The following COPB1 variants were observed in gnomAD, a reference collection of about 807,000 sequenced individuals.
COPB1 encodes the protein coatomer subunit beta.
In COPB1, 21 loss-of-function variants were observed where a neutral mutation model predicts 108.7. That is an observed-to-expected ratio of 0.19 (90% CI 0.14 to 0.28). The LOEUF is 0.28. COPB1 is among the 10% of genes least tolerant of loss of function. The pLI is 1.00. For missense variants in COPB1, 919 were observed against 1,141.3 expected (o/e 0.81, Z 2.81); for synonymous variants, 378 against 386.8 (o/e 0.98, Z 0.27).
At chr11:14,473,568 G>A (rs1265619719) in intron 14 of COPB1, among the ~76,000 whole-genome samples, 2 of 134,952 alleles carry the variant, frequency 1.5e-5, no homozygotes, top group African/African-American at 2.9e-5. Flanking sequence ...GGAAAGAGAC[G>A]GGGTAACAGC....
At chr11:14,491,986 CA>C (rs1287918048) in intron 4 of COPB1, among the ~76,000 whole-genome samples, 1 of 152,148 alleles carries the variant, frequency 6.6e-6, no homozygotes, top group African/African-American at 2.4e-5. Context: ...TAATAAAATC[CA>C]TCACCTTGCT....
Position 14,469,393 on chromosome 11 carries a change from T to C in COPB1, c.1908A>G (p.Arg636=), listed in dbSNP as rs1276344056. 1 of 1,614,238 alleles carries C rather than the reference T, an allele frequency of 6.2e-7. No individual in the cohort carries two copies. The highest frequency in any genetic ancestry group is 8.5e-7 in the Non-Finnish European group (1 of 1,180,028). The part of the protein sequence containing the change: ...LMNDIFNKEC[R]QSLSHMLSAK... ...CAGATAACATGTGAGAAAGGGACTG[T>C]CTGCATTCCTTATTGAAAATGTCAT... The change falls in exon 15 of 22, where the codon AGA becomes AGG. Residue 636 remains arginine (R), a synonymous_variant. Transcript: ENST00000439561.
At chr11:14,460,397 G>C (rs1192557743) in intron 19 of COPB1, 100 bp from the exon 20 acceptor site, 2 of 703,992 alleles carry the variant, frequency 2.8e-6, no homozygotes, top group Non-Finnish European at 4.8e-6. Context: ...CAACTGTTTA[G>C]GTTGGAAAGA....
chr11:14,471,742 A>AC (rs1171074632), intron 14 of COPB1, among the ~76,000 whole-genome samples: 2 of 151,994 alleles, frequency 1.3e-5, no homozygotes, highest in East Asian at 3.9e-4. Context: ...ACATGGTGAA[A>AC]CCCCAGTCTC....
chr11:14,480,779 C>T lies in COPB1; in HGVS notation c.1192G>A (p.Ala398Thr). Residue 398 changes from alanine (A) to threonine (T), a missense_variant, in exon 10 of 22, where the codon GCT (alanine) becomes ACT (threonine). Ala to Thr is a moderately conservative substitution (Grantham distance 58). This residue lies in a region of COPB1 where 705 missense variants were observed against 817.8 expected (regional missense o/e 0.86). Coordinates refer to ENST00000439561, the MANE Select transcript of COPB1 (RefSeq NM_001144061.2). Reference protein sequence around the residue: ...HSCSVRFPDMAANVIPVLMEF... With the variant: ...HSCSVRFPDMTANVIPVLMEF... ...CATACCACAGGAATAACATTTGCAG[C>T]CATATCTGGAAATCGGACAGAACAG... The T allele has an allele frequency of 6.2e-7, 1 of 1,613,582 alleles. No individual in the cohort carries two copies. Among genetic ancestry groups the T allele is most frequent in the Non-Finnish European group, 8.5e-7 (1 of 1,179,816 alleles).
Position 14,461,241 on chromosome 11 carries a change from G to C in COPB1, c.2501C>G (p.Thr834Ser), listed in dbSNP as rs757408323. The C allele has an allele frequency of 6.2e-6, 10 of 1,614,180 alleles. No homozygotes were observed. In the East Asian group the frequency reaches 2.2e-4, roughly 36 times the overall value. ...CTGACGGAATTCTGCATCAGTGCAA[G>C]TTGCAGGCTGGATATAGTCCATGAT... is the stretch of plus-strand genomic sequence containing the variant. The part of the protein sequence containing the change: ...IDIMDYIQPA[T>S]CTDAEFRQMW... Residue 834 changes from threonine (T) to serine (S), a missense_variant, in exon 19 of 22, where the codon ACT becomes AGT. Around this residue, in one of 5 missense-constraint regions of COPB1, gnomAD observed 705 missense variants for 817.8 expected, o/e 0.86. Coordinates refer to ENST00000439561, the MANE Select transcript of COPB1 (RefSeq NM_001144061.2).
At position 14,457,609 on chromosome 11, in the gene COPB1, T is replaced by A. The variant is rs886882833; in HGVS notation, c.*215A>T. On this transcript the variant is annotated 3_prime_UTR_variant, in exon 22 of 22. Coordinates refer to ENST00000439561, the MANE Select transcript of COPB1 (RefSeq NM_001144061.2). ...GGGTCTTGGTACATGAAACATTATA[T>A]ACTTTGAGGACAGCATTCAGAACTG... 1 of 442,558 alleles carries A rather than the reference T, an allele frequency of 2.3e-6. No homozygotes were observed. The highest frequency in any genetic ancestry group is 2.7e-5 in the South Asian group (1 of 36,890). The allele number at this position is 442,558 out of a possible 1,614,324, so 27.4% of individuals were successfully genotyped here.
At chr11:14,484,778 T>C (rs749015747) in intron 7 of COPB1, among the ~76,000 whole-genome samples, 12 of 152,192 alleles carry the variant, frequency 7.9e-5, no homozygotes, top group African/African-American at 9.6e-5. Flanking sequence ...ATGCAATTTT[T>C]CTGTAAGTTT....
rs148278102 is a variant in COPB1 at position 14,481,045 on chromosome 11, C to T, written c.1010G>A (p.Arg337Gln). ...CAGTGCTAACTGCAGAGTTTTCTTT[C>T]GTACTTCTAAGTCTGGTGTGCTCAA... is the stretch of plus-strand genomic sequence containing the variant. ...RVLSTPDLEV[R>Q]KKTLQLALDL... Residue 337 changes from arginine to glutamine, a missense_variant, in exon 9 of 22, where the codon CGA (arginine) becomes CAA (glutamine). Transcript: ENST00000439561. 40 of 1,613,744 alleles carry T rather than the reference C, an allele frequency of 2.5e-5. No homozygotes were observed. Among genetic ancestry groups the T allele is most frequent in the African/African-American group, 5.3e-5 (4 of 74,912 alleles).
At chr11:14,484,981 A>C (rs1850739206) in intron 7 of COPB1, among the ~76,000 whole-genome samples, 1 of 152,158 alleles carries the variant, frequency 6.6e-6, no homozygotes, top group Non-Finnish European at 1.5e-5. Context: ...CACTCACTAA[A>C]ACTTAAAATC....
chr11:14,470,056 C>T (rs1295585107), intron 14 of COPB1, among the ~76,000 whole-genome samples: 1 of 152,170 alleles, frequency 6.6e-6, no homozygotes, highest in Non-Finnish European at 1.5e-5. Context: ...ATTTTCTCAT[C>T]TGAAAAATTC....
intron 5 of COPB1, among the ~76,000 whole-genome samples, chr11:14,489,264 G>A (rs141577153): frequency 4.6e-5 from 7 of 152,332 alleles, no homozygotes; most frequent in African/African-American, 1.4e-4. Flanking sequence ...GAACCCTTGT[G>A]CACTACTAGT....
rs376728997 is a variant in COPB1, at chr11:14,490,613, A to C, written c.558T>G (p.Asp186Glu). The part of the protein sequence containing the change: ...LIHDFLVNEK[D>E]ASCKRNAFMM... ...TAAATGCATTCCTTTTGCAACTTGC[A>C]TCCTTCTCATTCACCAGAAAATCAT... is the stretch of plus-strand genomic sequence containing the variant. Residue 186 changes from aspartate (D) to glutamate (E), a missense_variant, in exon 5 of 22, where the codon GAT becomes GAG. Physicochemically the swap from Asp to Glu is conservative, Grantham distance 45. Transcript: ENST00000439561. 2.4e-5 allele frequency: 38 copies of C among 1,613,222 alleles called. No homozygotes were observed. Among genetic ancestry groups the C allele is most frequent in the Non-Finnish European group, 3.2e-5 (38 of 1,179,726 alleles).
intron 4 of COPB1, among the ~76,000 whole-genome samples, chr11:14,492,882 G>A (rs145788996): frequency 3.9e-5 from 6 of 152,130 alleles, no homozygotes; most frequent in African/African-American, 1.4e-4. Flanking sequence ...GTGGCAGCCT[G>A]CACCTACAAT....
intron 15 of COPB1, 71 bp downstream of exon 15, chr11:14,469,264 TG>T (rs776659092): frequency 7.8e-5 from 100 of 1,277,706 alleles, no homozygotes; most frequent in Non-Finnish European, 1.1e-4. Context: ...CCCAAAGTGC[TG>T]GGATTACAGG....
rs1850057644 is a variant in COPB1, at chr11:14,457,629, G to C, written c.*195C>G. 2 of 512,568 alleles carry C rather than the reference G, an allele frequency of 3.9e-6. No individual in the cohort carries two copies. Among genetic ancestry groups the C allele is most frequent in the Non-Finnish European group, 7.1e-6 (2 of 280,450 alleles). 31.8% of individuals were successfully genotyped at this position (512,568 alleles called of 1,614,324 possible). A position where few individuals can be genotyped will look rare whatever the true frequency, so the allele number is the denominator to read the frequency against. ...TTATATACTTTGAGGACAGCATTCA[G>C]AACTGTTAAGACAAAAGACAAACTA... On this transcript the variant is annotated 3_prime_UTR_variant, in exon 22 of 22. Transcript: ENST00000439561.
At chr11:14,486,329 C>T in intron 7 of COPB1, 38 bp downstream of exon 7, 2 of 1,610,554 alleles carry the variant, frequency 1.2e-6, no homozygotes, top group South Asian at 2.2e-5. Context: ...GACAGAAAAT[C>T]TATCATCTAA....
chr11:14,467,182 A>G (rs1372531833), intron 16 of COPB1, among the ~76,000 whole-genome samples: 1 of 86,204 alleles, frequency 1.2e-5, no homozygotes, highest in Admixed American at 1.2e-4. Flanking sequence ...TAACTCCTAA[A>G]ATTCAAACAA....
Position 14,460,196 on chromosome 11 carries a change from G to A in COPB1, c.2646+12C>T. On this transcript the variant is annotated intron_variant, in intron 20 of 21. Coordinates refer to ENST00000439561, the MANE Select transcript of COPB1 (RefSeq NM_001144061.2). ...TTCCATCAGATTTCTGAATTTCCTA[G>A]TCAAATTTTACCTTTTCTGGAGTCA... 1 of 1,556,726 alleles carries A rather than the reference G, an allele frequency of 6.4e-7. No individual in the cohort carries two copies. Among genetic ancestry groups the A allele is most frequent in the Non-Finnish European group, 8.8e-7 (1 of 1,130,538 alleles).
Sources: allele counts gnomAD v4.1 joint callset (sites outside exome capture counted in the v4.1 genomes callset), GRCh38; gene constraint gnomAD v4.1.1; regional missense constraint gnomAD v4.1.1; transcripts MANE v1.5; gene names NCBI Gene and HGNC (gene_info 2026-07-23, HGNC 2026-07-21).